Variants in MAP2K5 observed in about 807,000 individuals in gnomAD.
MAP2K5 encodes dual specificity mitogen-activated protein kinase kinase 5.
A neutral mutation model predicts 83.1 loss-of-function variants in MAP2K5; 49 were observed. The observed-to-expected ratio is 0.59, with a 90% CI of 0.47 to 0.75. The LOEUF (loss-of-function observed/expected upper bound fraction) is 0.75. Ranked by LOEUF, MAP2K5 falls within the 30% of genes least tolerant of loss-of-function variation. The pLI, the probability that MAP2K5 is intolerant of heterozygous loss-of-function variation, is 0.00. For synonymous variants in MAP2K5, 202 were observed against 191.8 expected, an observed-to-expected ratio of 1.05 and a Z score of -0.44; for missense variants, 457 against 557.5, an observed-to-expected ratio of 0.82 and a Z score of 1.82.
Position 67,774,885 on chromosome 15 carries a change from C to A in MAP2K5, c.1242+2133C>A, listed in dbSNP as rs2090209851. Among the ~76,000 whole-genome samples the A allele has an allele frequency of 6.6e-6, 1 of 152,184 alleles. No individual in the cohort carries two copies. The highest frequency in any genetic ancestry group is 2.4e-5 in the African/African-American group (1 of 41,440). ...GAGGCCTGCAGGATTGTCAAGGTTT[C>A]CCTGTAGGCCTCCATTTCCAAATCA... On this transcript the variant is annotated intron_variant, in intron 21 of 21. Transcript: ENST00000178640. The surrounding 1 kb of genome is among the most constrained non-coding windows in gnomAD (Gnocchi z 4.9).
intron 12 of MAP2K5, among the ~76,000 whole-genome samples, chr15:67,661,001 C>G (rs1253698984): frequency 6.7e-6 from 1 of 148,880 alleles, no homozygotes; most frequent in East Asian, 2.0e-4. Flanking sequence ...AGGTATCTCT[C>G]TTTTCCCAAA....
intron 19 of MAP2K5, among the ~76,000 whole-genome samples, chr15:67,765,706 T>C (rs1426110407): frequency 1.3e-5 from 2 of 152,198 alleles, no homozygotes; most frequent in Non-Finnish European, 2.9e-5. Context: ...GTGGTTGGAA[T>C]TGGACCTCTT....
At chr15:67,625,363 T>C (rs1286277653) in intron 8 of MAP2K5, among the ~76,000 whole-genome samples, 1 of 152,304 alleles carries the variant, frequency 6.6e-6, no homozygotes, top group East Asian at 1.9e-4. Context: ...ACAAACAAAA[T>C]GGAACACTCA....
intron 8 of MAP2K5, among the ~76,000 whole-genome samples, chr15:67,620,949 A>T (rs917866186): frequency 3.3e-5 from 5 of 152,192 alleles, no homozygotes; most frequent in African/African-American, 1.2e-4. Flanking sequence ...AATAAATCCA[A>T]ATATATCAAT....
chr15:67,632,712 G>C (rs1250612923), intron 9 of MAP2K5, among the ~76,000 whole-genome samples: 1 of 152,174 alleles, frequency 6.6e-6, no homozygotes, highest in Non-Finnish European at 1.5e-5. Context: ...CAGTTGCATA[G>C]TATATATTTC....
In MAP2K5 at chr15:67,592,700, G is replaced by C. The variant is rs1462375419; in HGVS notation, c.432-226G>C. Among the ~76,000 whole-genome samples the C allele has an allele frequency of 2.0e-5, 3 of 152,194 alleles. No individual in the cohort carries two copies. The East Asian group carries it at 5.8e-4, about 29-fold the overall frequency. ...AAGATATTGTAGCTTCATCTTGACTGTAGGCTTCTTTATTGCTTTTGATTA... is the reference window on the plus strand; with the variant it reads ...AAGATATTGTAGCTTCATCTTGACTCTAGGCTTCTTTATTGCTTTTGATTA... On this transcript the variant is annotated intron_variant, in intron 6 of 21. Transcript: ENST00000178640.
chr15:67,682,804 G>A (rs181859214), intron 13 of MAP2K5, among the ~76,000 whole-genome samples: 1 of 151,632 alleles, frequency 6.6e-6, no homozygotes, highest in Admixed American at 6.6e-5. Flanking sequence ...CTGCACTCCA[G>A]CCTGGGTGAC....
intron 20 of MAP2K5, 53 bp from the exon 21 acceptor site, chr15:67,772,654 A>C: frequency 1.6e-6 from 2 of 1,248,780 alleles, no homozygotes; most frequent in Non-Finnish European, 2.2e-6. Flanking sequence ...AATTATAGCA[A>C]AAATATACAA....
rs2086173297 is a variant in MAP2K5, at chr15:67,621,074, GAC to G, written c.546-9810_546-9809del. On this transcript the variant is annotated intron_variant, in intron 8 of 21. Coordinates refer to ENST00000178640, the MANE Select transcript of MAP2K5 (RefSeq NM_145160.3). Reference sequence around the variant, plus strand: ...ATTGGGAGAAAATTTAAAATACCAAGACACAGCAAAATTGAAAGGAAAAGGGT... The same window carrying G: ...ATTGGGAGAAAATTTAAAATACCAAGACAGCAAAATTGAAAGGAAAAGGGT... 3.3e-5 allele frequency among the ~76,000 whole-genome samples: 5 copies of G among 151,902 alleles called. No homozygotes were observed. The South Asian group carries it at 1.0e-3, about 32-fold the overall frequency.
chr15:67,550,274 A>T (rs538882212), intron 2 of MAP2K5, among the ~76,000 whole-genome samples, 192 bp downstream of exon 2: 1 of 152,338 alleles, frequency 6.6e-6, no homozygotes, highest in South Asian at 2.1e-4. Context: ...TTATTTAATC[A>T]TATCTTGGGT....
chr15:67,689,576 A>T (rs1174695726), intron 13 of MAP2K5, among the ~76,000 whole-genome samples: 1 of 152,230 alleles, frequency 6.6e-6, no homozygotes, highest in African/African-American at 2.4e-5. Flanking sequence ...ACTTTCACAC[A>T]TAAAGTACTT....
In MAP2K5 at chr15:67,764,698, C is replaced by T. The variant is rs772422837; in HGVS notation, c.1135-4904C>T. The stretch of plus-strand genomic sequence containing the variant: ...ATAATGAATGATTGTATCATTTTTA[C>T]ACAGTATTTTATGTTATGCCTTATC... On this transcript the variant is annotated intron_variant, in intron 19 of 21. Coordinates refer to ENST00000178640, the MANE Select transcript of MAP2K5 (RefSeq NM_145160.3). This position sits in a 1 kb window ranked among gnomAD's most constrained non-coding sequence, Gnocchi z 4.9. Among the ~76,000 whole-genome samples the T allele has an allele frequency of 4.1e-4, 62 of 152,302 alleles. No individual in the cohort carries two copies. Among genetic ancestry groups the T allele is most frequent in the Admixed American group, 7.8e-4 (12 of 15,298 alleles).
At chr15:67,592,593 T>A (rs1194562086) in intron 6 of MAP2K5, among the ~76,000 whole-genome samples, 3 of 152,230 alleles carry the variant, frequency 2.0e-5, no homozygotes, top group Non-Finnish European at 2.9e-5. Flanking sequence ...GCAGATGACA[T>A]TGTCCACATG....
chr15:67,587,468 T>A lies in MAP2K5; in HGVS notation c.431+555T>A, dbSNP rs2085313632. Among the ~76,000 whole-genome samples, 1 of 152,120 alleles carries A rather than the reference T, an allele frequency of 6.6e-6. No homozygotes were observed. The highest frequency in any genetic ancestry group is 2.4e-5 in the African/African-American group (1 of 41,418). On this transcript the variant is annotated intron_variant, in intron 6 of 21. Transcript: ENST00000178640. This position sits in a 1 kb window ranked among gnomAD's most constrained non-coding sequence, Gnocchi z 4.8. Reference sequence around the variant, plus strand: ...TGTGGTGTGGCGAATGAGCAGAAGCTCCCATCTAATCCTGCCCTCCTTTAA... The same window carrying A: ...TGTGGTGTGGCGAATGAGCAGAAGCACCCATCTAATCCTGCCCTCCTTTAA...
rs1461973449 is a variant in MAP2K5 at position 67,770,899 on chromosome 15, ACT to A, written c.1196+1237_1196+1238del. Among the ~76,000 whole-genome samples, 3 of 152,118 alleles carry A rather than the reference ACT, an allele frequency of 2.0e-5. No homozygotes were observed. The highest frequency in any genetic ancestry group is 2.1e-4 in the South Asian group (1 of 4,818). On this transcript the variant is annotated intron_variant, in intron 20 of 21. Coordinates refer to ENST00000178640, the MANE Select transcript of MAP2K5 (RefSeq NM_145160.3). The surrounding 1 kb of genome is among the most constrained non-coding windows in gnomAD (Gnocchi z 5.0). ...CCCCAATTAAAAAAATTTTATTAAC[ACT>A]GTTTCTATTTATTTAAAATACTTAT...
chr15:67,657,102 G>A (rs1290458449), intron 11 of MAP2K5, among the ~76,000 whole-genome samples: 1 of 152,192 alleles, frequency 6.6e-6, no homozygotes, highest in African/African-American at 2.4e-5. Flanking sequence ...TCTAACTGAG[G>A]TTAAAAACCA....
intron 3 of MAP2K5, among the ~76,000 whole-genome samples, chr15:67,564,014 A>G (rs549217257): frequency 6.6e-6 from 1 of 152,332 alleles, no homozygotes; most frequent in African/African-American, 2.4e-5. Context: ...TCATGAGGAG[A>G]CATAGGTTAC....
At chr15:67,726,870 A>G (rs565564490) in intron 16 of MAP2K5, among the ~76,000 whole-genome samples, 1 of 152,138 alleles carries the variant, frequency 6.6e-6, no homozygotes, top group Admixed American at 6.5e-5. Flanking sequence ...TTTTGCCACT[A>G]TTTTCTTTAA....
At chr15:67,771,299 C>G (rs1466903914) in intron 20 of MAP2K5, among the ~76,000 whole-genome samples, 1 of 152,194 alleles carries the variant, frequency 6.6e-6, no homozygotes, top group African/African-American at 2.4e-5. Flanking sequence ...GCATCACCCT[C>G]TCTGCTCCGG....
Sources: allele counts gnomAD v4.1 joint callset (sites outside exome capture counted in the v4.1 genomes callset), GRCh38; gene constraint gnomAD v4.1.1; non-coding constraint Gnocchi (gnomAD v3.1); transcripts MANE v1.5; gene names NCBI Gene and HGNC (gene_info 2026-07-23, HGNC 2026-07-21).